KHDRBS2: variants seen among roughly 807,000 people sequenced by gnomAD.
The protein encoded by KHDRBS2 is KH RNA binding domain containing, signal transduction associated 2.
A neutral mutation model predicts 44.3 loss-of-function variants in KHDRBS2; 26 were observed. That is an observed-to-expected ratio of 0.59 (90% CI 0.43 to 0.81). KHDRBS2 has a LOEUF of 0.81. KHDRBS2 is among the 40% of genes least tolerant of loss of function. The pLI, the probability that KHDRBS2 is intolerant of heterozygous loss-of-function variation, is 0.00. For synonymous variants in KHDRBS2, 194 were observed against 151.1 expected (o/e 1.28, Z -2.08); for missense variants, 476 against 433.1 (o/e 1.10, Z -0.88).
chr6:61,720,615 T>A (rs1312725772), intron 7 of KHDRBS2, among the ~76,000 whole-genome samples: 2 of 152,234 alleles, frequency 1.3e-5, no homozygotes, highest in African/African-American at 2.4e-5. Flanking sequence ...GCCCACTTTT[T>A]GATGGGCTTG....
At chr6:61,673,446 A>G in the KHDRBS2 span, among the ~76,000 whole-genome samples, 1 of 151,304 alleles carries the variant, frequency 6.6e-6, no homozygotes, top group African/African-American at 2.4e-5. Context: ...GGAGAAGGAA[A>G]TGAAGGGTAT....
chr6:61,662,618 A>C, the KHDRBS2 span, among the ~76,000 whole-genome samples: 1 of 152,288 alleles, frequency 6.6e-6, no homozygotes, highest in East Asian at 1.9e-4. Flanking sequence ...TCAAAAGAAG[A>C]CATTTATGCA....
intron 2 of KHDRBS2, among the ~76,000 whole-genome samples, chr6:62,169,794 A>C (rs1461619085): frequency 6.6e-6 from 1 of 152,038 alleles, no homozygotes; most frequent in Non-Finnish European, 1.5e-5. Flanking sequence ...TCAAGTCCAC[A>C]GAGGCCTCTG....
intron 6 of KHDRBS2, among the ~76,000 whole-genome samples, chr6:61,886,743 T>A (rs2127323654): frequency 6.6e-6 from 1 of 152,126 alleles, no homozygotes; most frequent in African/African-American, 2.4e-5. Flanking sequence ...TAATAGAGGG[T>A]AGAGTAAGAT....
chr6:61,949,367 T>C (rs1764271087), intron 4 of KHDRBS2, among the ~76,000 whole-genome samples: 1 of 152,104 alleles, frequency 6.6e-6, no homozygotes, highest in Admixed American at 6.6e-5. Context: ...TTATTACATG[T>C]TGCATGCTTT....
At chr6:61,847,783 A>C (rs1158933376) in intron 6 of KHDRBS2, among the ~76,000 whole-genome samples, 1 of 152,058 alleles carries the variant, frequency 6.6e-6, no homozygotes, top group Non-Finnish European at 1.5e-5. Context: ...TTTTATTTTT[A>C]ACTATATTTC....
At chr6:61,905,158 T>C (rs1199986526) in intron 4 of KHDRBS2, among the ~76,000 whole-genome samples, 1 of 152,106 alleles carries the variant, frequency 6.6e-6, no homozygotes, top group Non-Finnish European at 1.5e-5. Flanking sequence ...ATACTTTACT[T>C]AATAAGAAAA....
At chr6:62,122,365 G>T (rs1743953121) in intron 2 of KHDRBS2, among the ~76,000 whole-genome samples, 1 of 152,070 alleles carries the variant, frequency 6.6e-6, no homozygotes, top group Admixed American at 6.6e-5. Flanking sequence ...TTTGACTATG[G>T]GTCATCAAGT....
At chr6:62,192,857 A>G (rs1172607472) in intron 1 of KHDRBS2, among the ~76,000 whole-genome samples, 1 of 152,126 alleles carries the variant, frequency 6.6e-6, no homozygotes, top group Non-Finnish European at 1.5e-5. Flanking sequence ...TTATCCAGTG[A>G]CCATTCATTG....
chr6:62,151,367 C>T (rs1257571161), intron 2 of KHDRBS2, among the ~76,000 whole-genome samples: 2 of 152,180 alleles, frequency 1.3e-5, no homozygotes, highest in Admixed American at 1.3e-4. Flanking sequence ...CAATCACAGT[C>T]CCAGAATTAA....
intron 7 of KHDRBS2, among the ~76,000 whole-genome samples, chr6:61,705,551 G>T (rs1355120512): frequency 6.6e-6 from 1 of 151,796 alleles, no homozygotes; most frequent in Non-Finnish European, 1.5e-5. Context: ...ATCCAGCTTT[G>T]CAATTCATCC....
chr6:61,762,916 C>T (rs1226251005), intron 6 of KHDRBS2, among the ~76,000 whole-genome samples: 2 of 152,046 alleles, frequency 1.3e-5, no homozygotes, highest in Admixed American at 1.3e-4. Context: ...TGCCTTCCCC[C>T]GACTCAATCA....
intron 7 of KHDRBS2, among the ~76,000 whole-genome samples, chr6:61,720,451 CTT>C (rs1772263725): frequency 6.6e-6 from 1 of 152,066 alleles, no homozygotes; most frequent in South Asian, 2.1e-4. Context: ...TGTTTCCTGA[CTT>C]TTTAATGATT....
chr6:62,062,844 GTT>G (rs1792346763), intron 2 of KHDRBS2, among the ~76,000 whole-genome samples: 1 of 147,866 alleles, frequency 6.8e-6, no homozygotes, highest in South Asian at 2.2e-4. Flanking sequence ...CCAGGAGCTG[GTT>G]TTTTGAAAGG....
At chr6:61,593,939 G>A in the KHDRBS2 span, among the ~76,000 whole-genome samples, 1 of 151,960 alleles carries the variant, frequency 6.6e-6, no homozygotes, top group African/African-American at 2.4e-5. Flanking sequence ...AAAGCAGCCT[G>A]GTCACATTTG....
chr6:61,831,746 A>C (rs1791854425), intron 6 of KHDRBS2, among the ~76,000 whole-genome samples: 2 of 152,170 alleles, frequency 1.3e-5, no homozygotes, highest in Admixed American at 1.3e-4. Context: ...TTAAGAAAAC[A>C]ATTCCTTTTT....
chr6:61,877,210 T>A (rs552749362), intron 6 of KHDRBS2, among the ~76,000 whole-genome samples: 1 of 152,046 alleles, frequency 6.6e-6, no homozygotes, highest in South Asian at 2.1e-4. Flanking sequence ...CAGTCTCACA[T>A]ACGCTCTAAA....
downstream of KHDRBS2, among the ~76,000 whole-genome samples, chr6:61,679,159 A>C (rs1346556163): frequency 1.3e-5 from 2 of 151,946 alleles, no homozygotes; most frequent in Non-Finnish European, 2.9e-5. Context: ...AGCCACCATA[A>C]ACAAAAAAAC....
chr6:61,638,681 T>A, the KHDRBS2 span, among the ~76,000 whole-genome samples: 1 of 152,164 alleles, frequency 6.6e-6, no homozygotes, highest in Non-Finnish European at 1.5e-5. Context: ...TTTGAAGATC[T>A]TTTAACAGTA....
Sources: allele counts gnomAD v4.1 joint callset (sites outside exome capture counted in the v4.1 genomes callset), GRCh38; gene constraint gnomAD v4.1.1; transcripts MANE v1.5; gene names NCBI Gene and HGNC (gene_info 2026-07-23, HGNC 2026-07-21).